The following BRWD3 variants were observed in gnomAD, a reference collection of about 807,000 sequenced individuals.
The protein encoded by BRWD3 is bromodomain and WD repeat domain containing 3, also known as bromodomain and WD repeat-containing protein 3.
BRWD3 carries 10 observed loss-of-function variants against 149.7 expected under a neutral mutation model. The observed-to-expected ratio is 0.07, with a 90% confidence interval of 0.04 to 0.11. BRWD3 has a LOEUF of 0.11. Ranked by LOEUF, BRWD3 falls within the 10% of genes least tolerant of loss-of-function variation. The pLI is 1.00. For missense variants in BRWD3, 940 were observed against 1,373.2 expected (o/e 0.68, Z 4.99); for synonymous variants, 504 against 456.7 (o/e 1.10, Z -1.32).
At chrX:80,793,802 A>G (rs1380557942) in intron 4 of BRWD3, 30 bp from the exon 5 acceptor site, 6 of 1,166,754 alleles carry the variant, frequency 5.1e-6, no homozygotes, top group Non-Finnish European at 7.0e-6. Flanking sequence ...ACACAGGAAA[A>G]ACACATTTAT....
At chrX:80,696,530 A>ACG (rs1395369198) in intron 26 of BRWD3, among the ~76,000 whole-genome samples, 3 of 105,087 alleles carry the variant, frequency 2.9e-5, no homozygotes, top group Non-Finnish European at 5.9e-5. Context: ...ACACACACAC[A>ACG]CACACACACA....
intron 6 of BRWD3, among the ~76,000 whole-genome samples, chrX:80,769,249 A>C (rs888127171): frequency 9.0e-6 from 1 of 111,648 alleles, no homozygotes; most frequent in African/African-American, 3.3e-5. Context: ...GACCTAATAG[A>C]CATCTACAGA....
At chrX:80,808,003 T>C (rs1194538756) in intron 4 of BRWD3, among the ~76,000 whole-genome samples, 1 of 109,205 alleles carries the variant, frequency 9.2e-6, no homozygotes, top group Admixed American at 9.8e-5. Flanking sequence ...ATGTCGTTTT[T>C]CCTAATCCCT....
At chrX:80,684,207 G>C (rs761698864) in intron 36 of BRWD3, 45 bp from the exon 37 acceptor site, 2 of 1,093,709 alleles carry the variant, frequency 1.8e-6, no homozygotes, top group South Asian at 1.9e-5. Flanking sequence ...GCAATATTAA[G>C]GAATACAATG....
At chrX:80,679,867 A>T (rs2072420804) in intron 40 of BRWD3, among the ~76,000 whole-genome samples, 1 of 111,414 alleles carries the variant, frequency 9.0e-6, no homozygotes, top group African/African-American at 3.3e-5. Context: ...AAAATAGATG[A>T]AGGAAGCATG....
chrX:80,757,211 T>C (rs1211443608), intron 6 of BRWD3, among the ~76,000 whole-genome samples: 1 of 111,835 alleles, frequency 8.9e-6, no homozygotes, highest in East Asian at 2.8e-4. Flanking sequence ...AGTAACATTA[T>C]CCCAGGCTCT....
chrX:80,693,145 T>C (rs1184274310), intron 27 of BRWD3, 94 bp from the exon 28 acceptor site: 1 of 645,739 alleles, frequency 1.5e-6, no homozygotes, highest in Non-Finnish European at 2.5e-6. Flanking sequence ...ACAGAAGTAC[T>C]GTATCTAGCA....
chrX:80,713,948 T>C (rs1317249956), intron 20 of BRWD3, among the ~76,000 whole-genome samples: 1 of 111,793 alleles, frequency 8.9e-6, no homozygotes, highest in Non-Finnish European at 1.9e-5. Flanking sequence ...CCAACCTGAC[T>C]TTGGCATAGC....
intron 8 of BRWD3, among the ~76,000 whole-genome samples, chrX:80,740,214 T>C: frequency 8.9e-6 from 1 of 112,063 alleles, no homozygotes; most frequent in East Asian, 2.8e-4. Context: ...TCCTAAAGAA[T>C]AAACAAAAGT....
chrX:80,743,068 C>T (rs1190250714), intron 8 of BRWD3, among the ~76,000 whole-genome samples: 2 of 111,491 alleles, frequency 1.8e-5, no homozygotes, highest in Non-Finnish European at 3.8e-5. Context: ...GAGATACATC[C>T]CATGAATACC....
chrX:80,688,179 T>C, intron 33 of BRWD3, 54 bp from the exon 34 acceptor site: 17 of 919,799 alleles, frequency 1.8e-5, no homozygotes, highest in Admixed American at 4.5e-5. Flanking sequence ...CAAAGTCATA[T>C]AAATTAGATG....
intron 22 of BRWD3, among the ~76,000 whole-genome samples, chrX:80,705,336 G>A (rs775797440): frequency 3.6e-5 from 4 of 110,468 alleles, no homozygotes; most frequent in Non-Finnish European, 7.6e-5. Context: ...CTTCTTGGAT[G>A]AAGTATACTT....
intron 6 of BRWD3, among the ~76,000 whole-genome samples, chrX:80,759,130 T>A (rs2073776430): frequency 8.9e-6 from 1 of 111,787 alleles, no homozygotes; most frequent in Non-Finnish European, 1.9e-5. Context: ...CGAATGAAGG[T>A]TAAGATTGCA....
rs2072363015 is a variant in BRWD3, at chrX:80,676,095, A to G, written c.*514T>C. On this transcript the variant is annotated 3_prime_UTR_variant, in exon 41 of 41. Transcript: ENST00000373275. Reference sequence around the variant, plus strand: ...ATCCAGATCGCTCTTACAATATAGAAACTGTAAACATTTAATAGCTGCCTT... The same window carrying G: ...ATCCAGATCGCTCTTACAATATAGAGACTGTAAACATTTAATAGCTGCCTT... 1 of 116,726 alleles carries G rather than the reference A, an allele frequency of 8.6e-6. No individual in the cohort carries two copies. The highest frequency in any genetic ancestry group is 3.3e-5 in the African/African-American group (1 of 30,672). The allele number at this position is 116,726 out of a possible 1,213,427, so 9.6% of individuals were successfully genotyped here.
intron 6 of BRWD3, among the ~76,000 whole-genome samples, chrX:80,772,151 A>G (rs1425446331): frequency 1.8e-5 from 2 of 112,147 alleles, no homozygotes; most frequent in Admixed American, 1.9e-4. Context: ...TCATGCTACT[A>G]TAAAGACACA....
At chrX:80,686,319 C>T (rs938236332) in intron 35 of BRWD3, among the ~76,000 whole-genome samples, 2 of 108,439 alleles carry the variant, frequency 1.8e-5, no homozygotes, top group Admixed American at 9.9e-5. Flanking sequence ...ATGTAAATGA[C>T]GAGTTAATGG....
intron 33 of BRWD3, 88 bp from the exon 34 acceptor site, chrX:80,688,213 T>A (rs2072560631): frequency 1.3e-6 from 1 of 777,087 alleles, no homozygotes; most frequent in African/African-American, 2.1e-5. Context: ...AAACGGGAAA[T>A]AAAATCACAG....
intron 6 of BRWD3, among the ~76,000 whole-genome samples, chrX:80,758,577 T>C (rs1482583959): frequency 9.0e-6 from 1 of 111,285 alleles, no homozygotes; most frequent in Non-Finnish European, 1.9e-5. Context: ...TAGGGGAGAC[T>C]CTACCTTTAA....
intron 8 of BRWD3, 24 bp from the exon 9 acceptor site, chrX:80,736,112 C>G (rs751598663): frequency 1.0e-6 from 1 of 1,004,315 alleles, no homozygotes; most frequent in South Asian, 2.1e-5. Context: ...AAATCTGATT[C>G]AAATAAAAAG....
Sources: gnomAD v4.1 joint callset for allele counts (sites outside exome capture counted in the v4.1 genomes callset) on GRCh38, gnomAD v4.1.1 for gene constraint, MANE v1.5 for transcripts, NCBI Gene and HGNC (gene_info 2026-07-23, HGNC 2026-07-21) for gene names.